MOBP: variants seen among roughly 807,000 people sequenced by gnomAD.
The protein encoded by MOBP is myelin-associated oligodendrocyte basic protein.
Under a neutral mutation model 15.0 loss-of-function variants are expected in MOBP, and 5 were observed. The observed-to-expected ratio is 0.33, with a 90% CI of 0.17 to 0.70. The LOEUF is 0.70. Ranked by LOEUF, MOBP falls within the 30% of genes least tolerant of loss-of-function variation. MOBP has a pLI of 0.67. For missense variants in MOBP, 188 were observed against 257.8 expected (o/e 0.73, Z 1.85); for synonymous variants, 88 against 99.0 (o/e 0.89, Z 0.66).
intron 2 of MOBP, among the ~76,000 whole-genome samples, chr3:39,492,616 T>A (rs2042816071): frequency 6.6e-6 from 1 of 152,244 alleles, no homozygotes; most frequent in Non-Finnish European, 1.5e-5. Flanking sequence ...CAATCTCGAT[T>A]TGAATAAATT....
At chr3:39,500,553 T>C (rs2125654301) in intron 2 of MOBP, among the ~76,000 whole-genome samples, 1 of 152,198 alleles carries the variant, frequency 6.6e-6, no homozygotes, top group African/African-American at 2.4e-5. Context: ...AGGCAATTGG[T>C]TTAGCAGCAT....
downstream of MOBP, chr3:39,526,897 CT>C (rs2043330672): frequency 1.3e-5 from 2 of 152,156 alleles, no homozygotes; most frequent in East Asian, 3.9e-4. Flanking sequence ...CTGCCTCAGC[CT>C]CCCAAGTAGC....
At chr3:39,513,472 G>T (rs752685514) in exon 5 of MOBP, 2 of 1,564,452 alleles carry the variant, frequency 1.3e-6, no homozygotes, top group Admixed American at 1.7e-5. Flanking sequence ...TGGACTCATT[G>T]CTTCACAACC....
chr3:39,525,897 T>G (rs2043318024), downstream of MOBP: 1 of 152,300 alleles, frequency 6.6e-6, no homozygotes, highest in Non-Finnish European at 1.5e-5. Context: ...TTTGACTGCA[T>G]GGAGTCTTCA....
At chr3:39,498,476 G>A (rs188738025) in intron 2 of MOBP, among the ~76,000 whole-genome samples, 18 of 152,136 alleles carry the variant, frequency 1.2e-4, no homozygotes, top group African/African-American at 4.3e-4. Flanking sequence ...TCAGCTGCCC[G>A]AGTAGCTGGG....
At position 39,500,111 on chromosome 3, in the gene MOBP, C is replaced by T. The variant is rs1299022512; in HGVS notation, c.-4-1955C>T. On this transcript the variant is annotated intron_variant, in intron 2 of 3. Coordinates refer to ENST00000684792, the MANE Select transcript of MOBP (RefSeq NM_001393704.1). ...GGATGTTTATCTGCTCTACCCACTT[C>T]CTCATCTCAGTGACTTGTACTTATT... is the stretch of plus-strand genomic sequence containing the variant. 6.6e-6 allele frequency: 3 copies of T among 455,382 alleles called. No homozygotes were observed. The Admixed American group carries it at 7.1e-5, about 11-fold the overall frequency. The allele number at this position is 455,382 out of a possible 1,614,324, so 28.2% of individuals were successfully genotyped here.
At chr3:39,468,158 A>G (rs544360686) in intron 1 of MOBP, among the ~76,000 whole-genome samples, 2 of 151,670 alleles carry the variant, frequency 1.3e-5, no homozygotes, top group Admixed American at 6.6e-5. Context: ...TCTAGGAACA[A>G]TTTTTTTCCT....
chr3:39,484,575 T>A (rs778708081), intron 2 of MOBP, among the ~76,000 whole-genome samples: 1 of 152,132 alleles, frequency 6.6e-6, no homozygotes, highest in African/African-American at 2.4e-5. Flanking sequence ...CACATACAAT[T>A]CCAGGGTAAA....
intron 2 of MOBP, among the ~76,000 whole-genome samples, chr3:39,501,316 T>C (rs764875537): frequency 6.6e-6 from 1 of 152,208 alleles, no homozygotes; most frequent in African/African-American, 2.4e-5. Context: ...TTGATTCCTG[T>C]TGATTGATAG....
intron 2 of MOBP, among the ~76,000 whole-genome samples, chr3:39,485,513 T>G (rs1330440730): frequency 6.6e-6 from 1 of 152,182 alleles, no homozygotes; most frequent in Non-Finnish European, 1.5e-5. Flanking sequence ...GGCTGAGCAG[T>G]TTTTGGAAGG....
intron 4 of MOBP, among the ~76,000 whole-genome samples, chr3:39,510,633 T>C (rs9829905): frequency 0.049 from 7,386 of 152,256 alleles, 640 homozygotes; most frequent in African/African-American, 0.17. Flanking sequence ...AAAATATAAG[T>C]GAATTTTGTA....
chr3:39,486,151 CAGGGTT>C (rs2042704847), intron 2 of MOBP, among the ~76,000 whole-genome samples: 2 of 152,166 alleles, frequency 1.3e-5, no homozygotes, highest in African/African-American at 4.8e-5. Flanking sequence ...AGCATGGTGT[CAGGGTT>C]AGGCATACAT....
At chr3:39,479,179 T>C (rs913191552) in intron 1 of MOBP, among the ~76,000 whole-genome samples, 1 of 152,122 alleles carries the variant, frequency 6.6e-6, no homozygotes, top group African/African-American at 2.4e-5. Flanking sequence ...ATTTCAATTA[T>C]TCTGTCAAGC....
chr3:39,469,043 C>CAT lies in MOBP; in HGVS notation c.-89+1306_-89+1307dup, dbSNP rs1189915979. 4.3e-5 allele frequency among the ~76,000 whole-genome samples: 2 copies of CAT among 46,490 alleles called. 1 individual carries two copies. The highest frequency in any genetic ancestry group is 7.9e-5 in the Non-Finnish European group (2 of 25,428). The allele number at this position is 46,490 out of a possible 152,430, so 30.5% of individuals were successfully genotyped here. On this transcript the variant is annotated intron_variant, in intron 1 of 3. Coordinates refer to ENST00000684792, the MANE Select transcript of MOBP (RefSeq NM_001393704.1). ...ATGTGTGTATATATATACATATATACATATGTGTGTGTATATACATATATA... is the reference window on the plus strand; with the variant it reads ...ATGTGTGTATATATATACATATATACATATATGTGTGTGTATATACATATATA...
chr3:39,501,859 A>G (rs1280191887), intron 2 of MOBP, among the ~76,000 whole-genome samples: 1 of 152,202 alleles, frequency 6.6e-6, no homozygotes, highest in Non-Finnish European at 1.5e-5. Context: ...GATTTTTAAA[A>G]ATACACAAAT....
chr3:39,519,471 C>T (rs938380000), downstream of MOBP, among the ~76,000 whole-genome samples: 13 of 149,308 alleles, frequency 8.7e-5, no homozygotes, highest in Non-Finnish European at 1.5e-4. Flanking sequence ...GCCTTGCTGA[C>T]ACTTCATTAT....
rs1395372442 is a variant in MOBP, at chr3:39,496,124, GTT to G, written c.-4-5941_-4-5940del. 2.6e-5 allele frequency among the ~76,000 whole-genome samples: 4 copies of G among 151,832 alleles called. No homozygotes were observed. In the East Asian group the frequency reaches 7.7e-4, roughly 29 times the overall value. ...CAGGTAAATATTTTCAAAGAAAAAA[GTT>G]AACATATTTTACAAGTGGCTAACCA... On this transcript the variant is annotated intron_variant, in intron 2 of 3. Coordinates refer to ENST00000684792, the MANE Select transcript of MOBP (RefSeq NM_001393704.1).
chr3:39,521,117 T>G, intron 3 of MOBP, among the ~76,000 whole-genome samples: 1 of 151,838 alleles, frequency 6.6e-6, no homozygotes, highest in East Asian at 1.9e-4. Flanking sequence ...CCCAGCGAAT[T>G]TTTTGTATTT....
chr3:39,515,644 T>C (rs942236507), exon 5 of MOBP: 1 of 152,236 alleles, frequency 6.6e-6, no homozygotes, highest in African/African-American at 2.4e-5. Flanking sequence ...TGTTGTGATA[T>C]ATTCTCAGTG....
Sources: allele counts gnomAD v4.1 joint callset (sites outside exome capture counted in the v4.1 genomes callset), GRCh38; gene constraint gnomAD v4.1.1; transcripts MANE v1.5; gene names NCBI Gene and HGNC (gene_info 2026-07-23, HGNC 2026-07-21).